Variants in SLCO6A1 observed in about 807,000 individuals in gnomAD.
SLCO6A1 encodes solute carrier organic anion transporter family member 6A1, also known as cancer/testis antigen 48.
SLCO6A1 carries 65 observed loss-of-function variants against 72.7 expected under a neutral mutation model. The observed-to-expected ratio is 0.89, with a 90% CI of 0.73 to 1.10. The LOEUF (loss-of-function observed/expected upper bound fraction) is 1.10. Ranked by LOEUF, SLCO6A1 falls within the 50% of genes least tolerant of loss-of-function variation. The pLI, the probability that SLCO6A1 is intolerant of heterozygous loss-of-function variation, is 0.00. For synonymous variants in SLCO6A1, 314 were observed against 298.2 expected, an observed-to-expected ratio of 1.05 and a Z score of -0.55; for missense variants, 874 against 872.6, an observed-to-expected ratio of 1.00 and a Z score of -0.02.
chr5:102,391,255 C>G lies in SLCO6A1; in HGVS notation c.1815-210G>C, dbSNP rs1317460402. 7.4e-6 allele frequency: 4 copies of G among 543,860 alleles called. No individual in the cohort carries two copies. In the East Asian group the frequency reaches 1.2e-4, roughly 16 times the overall value. 33.7% of individuals were successfully genotyped at this position (543,860 alleles called of 1,614,324 possible). On this transcript the variant is annotated intron_variant, in intron 10 of 13. Coordinates refer to ENST00000506729, the MANE Select transcript of SLCO6A1 (RefSeq NM_173488.5). ...CCCCTTGCCAGCCATTTCCAAAGGT[C>G]CTTAGTCTTCCCAAAGAAGAAGGTT... is the stretch of plus-strand genomic sequence containing the variant.
At chr5:102,481,231 AT>A (rs66694222) in intron 1 of SLCO6A1, among the ~76,000 whole-genome samples, 119,624 of 151,444 alleles carry the variant, frequency 0.79, 50,505 homozygotes, top group East Asian at 0.98. Flanking sequence ...CAATCACTAC[AT>A]TTTTTTTTTG....
chr5:102,482,113 G>A (rs1752226218), intron 1 of SLCO6A1, among the ~76,000 whole-genome samples: 1 of 152,092 alleles, frequency 6.6e-6, no homozygotes, highest in Non-Finnish European at 1.5e-5. Context: ...GTTAGTAACT[G>A]AGTTTATCTC....
At chr5:102,462,057 T>C (rs779640393) in intron 4 of SLCO6A1, among the ~76,000 whole-genome samples, 2 of 152,074 alleles carry the variant, frequency 1.3e-5, no homozygotes, top group African/African-American at 4.8e-5. Context: ...TGTACACAAA[T>C]CAGTAGCACT....
intron 6 of SLCO6A1, among the ~76,000 whole-genome samples, chr5:102,456,651 C>G (rs1308502171): frequency 6.6e-6 from 1 of 152,112 alleles, no homozygotes. Context: ...TAGGAAGAAT[C>G]AATATCGTGA....
intron 12 of SLCO6A1, among the ~76,000 whole-genome samples, chr5:102,385,398 C>T (rs1048119106): frequency 2.6e-5 from 4 of 152,150 alleles, no homozygotes; most frequent in Non-Finnish European, 4.4e-5. Context: ...GCTTTCTACC[C>T]CTTTATCTTT....
At chr5:102,384,885 C>T (rs1746320232) in intron 12 of SLCO6A1, among the ~76,000 whole-genome samples, 1 of 152,074 alleles carries the variant, frequency 6.6e-6, no homozygotes, top group Admixed American at 6.6e-5. Flanking sequence ...TTTAGCATTT[C>T]TCTCTCTTTT....
chr5:102,372,852 T>A (rs188128280), intron 13 of SLCO6A1, among the ~76,000 whole-genome samples: 1 of 151,922 alleles, frequency 6.6e-6, no homozygotes, highest in African/African-American at 2.4e-5. Flanking sequence ...ATAAATAAAA[T>A]GTTAATTTTT....
At chr5:102,411,061 G>C (rs998318229) in intron 9 of SLCO6A1, among the ~76,000 whole-genome samples, 2 of 152,152 alleles carry the variant, frequency 1.3e-5, no homozygotes, top group Non-Finnish European at 2.9e-5. Context: ...GTGGCTTGAA[G>C]TTTCAGGGGA....
At chr5:102,447,907 TCTG>T (rs1459706042) in intron 6 of SLCO6A1, among the ~76,000 whole-genome samples, 11 of 152,214 alleles carry the variant, frequency 7.2e-5, no homozygotes, top group Admixed American at 5.9e-4. Context: ...CTTCTTTTCT[TCTG>T]CTACCTTTGG....
chr5:102,418,266 A>G (rs1748402158), intron 8 of SLCO6A1, among the ~76,000 whole-genome samples: 1 of 151,990 alleles, frequency 6.6e-6, no homozygotes, highest in Non-Finnish European at 1.5e-5. Context: ...GATTTGCTTT[A>G]TATCATTTAT....
chr5:102,441,786 TAC>T (rs1278231705), intron 6 of SLCO6A1, among the ~76,000 whole-genome samples: 1 of 151,898 alleles, frequency 6.6e-6, no homozygotes, highest in African/African-American at 2.4e-5. Context: ...ATTTCTGAAT[TAC>T]AGTTTTGTGA....
At position 102,498,706 on chromosome 5, in the gene SLCO6A1, T is replaced by C. The variant is rs1290520858; in HGVS notation, c.139A>G (p.Lys47Glu). Residue 47 changes from lysine (K) to glutamate (E), a missense_variant, in exon 1 of 14, where the codon AAA becomes GAA. Coordinates refer to ENST00000506729, the MANE Select transcript of SLCO6A1 (RefSeq NM_173488.5). ...GGAAGTAGTCTCAGATACCGGTGTT[T>C]TTTCCCGGGCTTCGAGGACTTCGGG... ...GTPKSSKPGK[K>E]HRYLRLLPEA... 1 of 1,614,118 alleles carries C rather than the reference T, an allele frequency of 6.2e-7. No homozygotes were observed. The highest frequency in any genetic ancestry group is 8.5e-7 in the Non-Finnish European group (1 of 1,180,010).
chr5:102,474,268 A>G (rs1309529645), intron 4 of SLCO6A1, among the ~76,000 whole-genome samples: 2 of 151,940 alleles, frequency 1.3e-5, no homozygotes, highest in Non-Finnish European at 2.9e-5. Flanking sequence ...CCAGAAATAA[A>G]CCCTCATATA....
At position 102,409,800 on chromosome 5, in the gene SLCO6A1, GA is replaced by G. The variant is rs1747874051; in HGVS notation, c.1626+3189del. ...TAAAGAAAACTATGAAGAGTTTCAT[GA>G]AATAAATAAAGTCTCTAAAAGAGAT... On this transcript the variant is annotated intron_variant, in intron 9 of 13. Transcript: ENST00000506729. 2.0e-5 allele frequency among the ~76,000 whole-genome samples: 3 copies of G among 152,112 alleles called. No homozygotes were observed. The South Asian group carries it at 6.2e-4, about 31-fold the overall frequency.
chr5:102,371,821 A>G lies in SLCO6A1; in HGVS notation c.*318T>C, dbSNP rs1429557358. ...TTATTTTACTTTATTTCCTAGTTGT[A>G]TAATTTTTAATATTTCTAGACAGCA... On this transcript the variant is annotated 3_prime_UTR_variant, in exon 14 of 14. Coordinates refer to ENST00000506729, the MANE Select transcript of SLCO6A1 (RefSeq NM_173488.5). The G allele has an allele frequency of 2.0e-5, 3 of 152,008 alleles. No individual in the cohort carries two copies. Among genetic ancestry groups the G allele is most frequent in the Non-Finnish European group, 1.5e-5 (1 of 67,920 alleles). The allele number at this position is 152,008 out of a possible 1,614,324, so 9.4% of individuals were successfully genotyped here.
At chr5:102,449,241 T>G (rs1210248739) in intron 6 of SLCO6A1, among the ~76,000 whole-genome samples, 1 of 152,144 alleles carries the variant, frequency 6.6e-6, no homozygotes, top group Non-Finnish European at 1.5e-5. Flanking sequence ...ACCGTTAGCT[T>G]GATGGGGTTG....
chr5:102,464,816 A>G (rs1751228908), intron 4 of SLCO6A1, among the ~76,000 whole-genome samples: 1 of 152,210 alleles, frequency 6.6e-6, no homozygotes, highest in South Asian at 2.1e-4. Context: ...GCTCTTCACA[A>G]GCCAAGCCTA....
chr5:102,388,115 A>C (rs954752177), intron 12 of SLCO6A1, among the ~76,000 whole-genome samples: 1 of 152,150 alleles, frequency 6.6e-6, no homozygotes, highest in African/African-American at 2.4e-5. Flanking sequence ...ATTTTCTTCA[A>C]ATTTAACCAA....
chr5:102,374,028 T>A (rs981253700), intron 12 of SLCO6A1, among the ~76,000 whole-genome samples: 7 of 143,070 alleles, frequency 4.9e-5, no homozygotes, highest in African/African-American at 8.5e-5. Flanking sequence ...TCAATTTTTT[T>A]AAATTAATTC....
Sources: allele counts gnomAD v4.1 joint callset (sites outside exome capture counted in the v4.1 genomes callset), GRCh38; gene constraint gnomAD v4.1.1; transcripts MANE v1.5; gene names NCBI Gene and HGNC (gene_info 2026-07-23, HGNC 2026-07-21).